The following DPP6 variants were observed in gnomAD, a reference collection of about 807,000 sequenced individuals.
DPP6 encodes the protein dipeptidyl peptidase like 6.
A neutral mutation model predicts 122.6 loss-of-function variants in DPP6; 69 were observed. The observed-to-expected ratio is 0.56, with a 90% CI of 0.46 to 0.69. The LOEUF (loss-of-function observed/expected upper bound fraction) is 0.69. Ranked by LOEUF, DPP6 falls within the 30% of genes least tolerant of loss-of-function variation. The pLI, the probability that DPP6 is intolerant of heterozygous loss-of-function variation, is 0.00. For missense variants in DPP6, 928 were observed against 1,116.9 expected (o/e 0.83, Z 2.41); for synonymous variants, 418 against 433.1 (o/e 0.97, Z 0.43).
chr7:154,217,562 GAAAAT>G (rs1428724752), intron 1 of DPP6, among the ~76,000 whole-genome samples: 1 of 152,076 alleles, frequency 6.6e-6, no homozygotes, highest in Non-Finnish European at 1.5e-5. Flanking sequence ...TTTTCTAAAA[GAAAAT>G]AAAAGCCTAT....
intron 5 of DPP6, among the ~76,000 whole-genome samples, chr7:154,629,397 CT>C (rs1180257449): frequency 3.3e-5 from 5 of 151,660 alleles, no homozygotes; most frequent in African/African-American, 1.2e-4. Flanking sequence ...GATAACTTTC[CT>C]TTTTTTTCTC....
intron 1 of DPP6, among the ~76,000 whole-genome samples, chr7:154,313,836 C>T (rs1167576474): frequency 6.7e-6 from 1 of 150,326 alleles, no homozygotes; most frequent in Non-Finnish European, 1.5e-5. Flanking sequence ...AATACAATTT[C>T]TGGCTCTGAT....
intron 7 of DPP6, among the ~76,000 whole-genome samples, chr7:154,672,800 G>A (rs1258653515): frequency 1.3e-5 from 2 of 152,190 alleles, no homozygotes; most frequent in African/African-American, 4.8e-5. Context: ...TTCTGCAGAA[G>A]GTCAGATAGC....
At chr7:154,106,752 G>A (rs2150578247) in intron 1 of DPP6, among the ~76,000 whole-genome samples, 1 of 152,234 alleles carries the variant, frequency 6.6e-6, no homozygotes, top group African/African-American at 2.4e-5. Context: ...CACAGTCCCT[G>A]GAGAGAAAAG....
At chr7:154,626,006 G>A (rs1162618060) in intron 5 of DPP6, among the ~76,000 whole-genome samples, 1 of 152,204 alleles carries the variant, frequency 6.6e-6, no homozygotes, top group Non-Finnish European at 1.5e-5. Flanking sequence ...GAGGTTGGCT[G>A]CCAGGCTGGT....
At chr7:154,012,226 A>G (rs192391574) in intron 1 of DPP6, among the ~76,000 whole-genome samples, 368 of 152,274 alleles carry the variant, frequency 2.4e-3, no homozygotes, top group African/African-American at 8.3e-3. Flanking sequence ...TTCATTTTTA[A>G]GCAGAAACCT....
chr7:154,842,501 G>A (rs978933241), intron 16 of DPP6, among the ~76,000 whole-genome samples: 2 of 152,188 alleles, frequency 1.3e-5, no homozygotes, highest in African/African-American at 4.8e-5. Context: ...GCCTGGGGCT[G>A]CAAACCAGAG....
chr7:154,884,249 A>G (rs1337385017), intron 21 of DPP6: 4 of 141,374 alleles, frequency 2.8e-5, no homozygotes, highest in Admixed American at 2.8e-4. Flanking sequence ...ATGCTCACAA[A>G]TTACATACAC....
chr7:153,817,382 C>T, the DPP6 span, among the ~76,000 whole-genome samples: 12 of 139,894 alleles, frequency 8.6e-5, no homozygotes, highest in Admixed American at 8.4e-4. Context: ...ATATAAAATC[C>T]ACATGAATTA....
intron 1 of DPP6, among the ~76,000 whole-genome samples, chr7:154,194,657 T>G (rs546042959): frequency 3.3e-5 from 5 of 152,236 alleles, no homozygotes; most frequent in Non-Finnish European, 7.3e-5. Context: ...TCAGACTTCC[T>G]TCTTTATCCC....
intron 1 of DPP6, among the ~76,000 whole-genome samples, chr7:154,107,662 ACAT>A (rs1207256531): frequency 6.6e-6 from 1 of 152,250 alleles, no homozygotes; most frequent in Admixed American, 6.5e-5. Flanking sequence ...GTATATCAAA[ACAT>A]CATAATGGAC....
intron 1 of DPP6, among the ~76,000 whole-genome samples, chr7:154,417,165 G>A (rs778476663): frequency 2.6e-5 from 4 of 152,128 alleles, no homozygotes; most frequent in Non-Finnish European, 5.9e-5. Flanking sequence ...TTGACTTTCG[G>A]GTGATCTCAG....
At chr7:154,726,823 A>G (rs1173948222) in intron 7 of DPP6, among the ~76,000 whole-genome samples, 1 of 152,164 alleles carries the variant, frequency 6.6e-6, no homozygotes, top group East Asian at 1.9e-4. Context: ...TCCAGTTTCC[A>G]ATCATCTATT....
At chr7:153,825,258 C>T in the DPP6 span, among the ~76,000 whole-genome samples, 1 of 152,092 alleles carries the variant, frequency 6.6e-6, no homozygotes, top group African/African-American at 2.4e-5. Context: ...TGGTCCTGTT[C>T]TCTCATCTTG....
chr7:154,140,132 A>G (rs902600228), intron 1 of DPP6, among the ~76,000 whole-genome samples: 2 of 152,214 alleles, frequency 1.3e-5, no homozygotes, highest in South Asian at 2.1e-4. Context: ...TCGCTCTTTC[A>G]TGATTTTAAA....
Position 154,760,982 on chromosome 7 carries a change from C to A in DPP6, c.884-8435C>A, listed in dbSNP as rs1183130550. ...CCCGGATAGCTGGGACTACAGGCGC[C>A]TGCCACCATGCCCGGCTAATTTTTG... On this transcript the variant is annotated intron_variant, in intron 8 of 25. Coordinates refer to ENST00000377770, the MANE Select transcript of DPP6 (RefSeq NM_130797.4). This position sits in a 1 kb window ranked among gnomAD's most constrained non-coding sequence, Gnocchi z 4.5. Among the ~76,000 whole-genome samples the A allele has an allele frequency of 6.6e-6, 1 of 151,996 alleles. No individual in the cohort carries two copies. Among genetic ancestry groups the A allele is most frequent in the Non-Finnish European group, 1.5e-5 (1 of 67,996 alleles).
intron 1 of DPP6, among the ~76,000 whole-genome samples, chr7:154,144,777 TAAG>T (rs2150669729): frequency 6.6e-6 from 1 of 152,004 alleles, no homozygotes; most frequent in Non-Finnish European, 1.5e-5. Flanking sequence ...GACATCCTTA[TAAG>T]AAGAGGAAGA....
At chr7:154,855,518 A>G (rs1270170901) in intron 17 of DPP6, among the ~76,000 whole-genome samples, 2 of 152,182 alleles carry the variant, frequency 1.3e-5, no homozygotes, top group Non-Finnish European at 1.5e-5. Flanking sequence ...AGGTTTGGGA[A>G]TCTGGGCCAT....
intron 16 of DPP6, among the ~76,000 whole-genome samples, chr7:154,815,137 G>A (rs1587228924): frequency 6.6e-6 from 1 of 152,078 alleles, no homozygotes; most frequent in Non-Finnish European, 1.5e-5. Context: ...AAAATTAAGG[G>A]CAGCCACACT....
Sources: allele counts gnomAD v4.1 joint callset (sites outside exome capture counted in the v4.1 genomes callset), GRCh38; gene constraint gnomAD v4.1.1; non-coding constraint Gnocchi (gnomAD v3.1); transcripts MANE v1.5; gene names NCBI Gene and HGNC (gene_info 2026-07-23, HGNC 2026-07-21).